Variants in MOSMO observed in about 807,000 individuals in gnomAD.
MOSMO encodes modulator of smoothened.
In MOSMO, 5 loss-of-function variants were observed where a neutral mutation model predicts 18.4. The ratio of observed to expected loss-of-function variants is 0.27; its 90% CI spans 0.14 to 0.57. MOSMO has a LOEUF of 0.57. Among genes scored for constraint, MOSMO ranks in the 20% least tolerant of loss-of-function variants. MOSMO has a pLI of 0.92. For synonymous variants in MOSMO, 82 were observed against 82.3 expected, an observed-to-expected ratio of 1.00 and a Z score of 0.02; for missense variants, 138 against 211.8, an observed-to-expected ratio of 0.65 and a Z score of 2.16.
intron 1 of MOSMO, among the ~76,000 whole-genome samples, chr16:22,030,133 A>G (rs1598003099): frequency 6.6e-6 from 1 of 152,190 alleles, no homozygotes; most frequent in South Asian, 2.1e-4. Flanking sequence ...AAAGGACATC[A>G]TTGTGTTATT....
At chr16:22,075,003 A>G (rs1338928594) in intron 1 of MOSMO, among the ~76,000 whole-genome samples, 1 of 152,172 alleles carries the variant, frequency 6.6e-6, no homozygotes, top group Non-Finnish European at 1.5e-5. Flanking sequence ...TTTTATTTCT[A>G]TATTACAATT....
chr16:22,036,698 C>G (rs1900116456), intron 1 of MOSMO, among the ~76,000 whole-genome samples: 1 of 152,172 alleles, frequency 6.6e-6, no homozygotes, highest in South Asian at 2.1e-4. Flanking sequence ...TCCCCCACCC[C>G]CACTTGGCCT....
At chr16:22,018,951 T>C (rs1899697446) in intron 1 of MOSMO, among the ~76,000 whole-genome samples, 1 of 152,202 alleles carries the variant, frequency 6.6e-6, no homozygotes, top group Admixed American at 6.5e-5. Context: ...AAAGAACAAA[T>C]AGAATAATAA....
At position 22,083,228 on chromosome 16, in the gene MOSMO, T is replaced by C. The variant is rs993738903; in HGVS notation, c.*2348T>C. Reference sequence around the variant, plus strand: ...AGCTGCTAAGAATTTCCCCACTGTTTACTTCTTTCACTTATGGTGGTATTG... The same window carrying C: ...AGCTGCTAAGAATTTCCCCACTGTTCACTTCTTTCACTTATGGTGGTATTG... On this transcript the variant is annotated 3_prime_UTR_variant, in exon 3 of 3. Coordinates refer to ENST00000542527, the MANE Select transcript of MOSMO (RefSeq NM_001164579.2). The C allele has an allele frequency of 1.3e-5, 2 of 152,328 alleles. No homozygotes were observed. Among genetic ancestry groups the C allele is most frequent in the African/African-American group, 4.8e-5 (2 of 41,464 alleles). 9.4% of individuals were successfully genotyped at this position (152,328 alleles called of 1,614,324 possible). A position where few individuals can be genotyped will look rare whatever the true frequency, so the allele number is the denominator to read the frequency against.
rs1421216803 is a variant in MOSMO at position 22,084,084 on chromosome 16, T to C, written c.*3204T>C. ...TTCTGTGAATTCACTGTTTAATCTATTAAGTGAAATAATAAATAGTCCTGG... is the reference window on the plus strand; with the variant it reads ...TTCTGTGAATTCACTGTTTAATCTACTAAGTGAAATAATAAATAGTCCTGG... On this transcript the variant is annotated 3_prime_UTR_variant, in exon 3 of 3. Coordinates refer to ENST00000542527, the MANE Select transcript of MOSMO (RefSeq NM_001164579.2). The C allele has an allele frequency of 5.6e-6, 1 of 179,792 alleles. No individual in the cohort carries two copies. The highest frequency in any genetic ancestry group is 1.7e-4 in the East Asian group (1 of 5,898). The allele number at this position is 179,792 out of a possible 1,614,324, so 11.1% of individuals were successfully genotyped here.
intron 1 of MOSMO, among the ~76,000 whole-genome samples, chr16:22,071,418 T>G (rs1182549537): frequency 6.6e-6 from 1 of 152,250 alleles, no homozygotes; most frequent in African/African-American, 2.4e-5. Flanking sequence ...TGCGCCTTTC[T>G]GCCTTACAGC....
chr16:22,046,802 G>A (rs947888497), intron 1 of MOSMO, among the ~76,000 whole-genome samples: 4 of 152,106 alleles, frequency 2.6e-5, no homozygotes, highest in Non-Finnish European at 5.9e-5. Flanking sequence ...GCTGTCATGT[G>A]ACTCAAATTT....
At chr16:22,028,283 A>G (rs1240262854) in intron 1 of MOSMO, among the ~76,000 whole-genome samples, 1 of 152,032 alleles carries the variant, frequency 6.6e-6, no homozygotes, top group Non-Finnish European at 1.5e-5. Flanking sequence ...TGTAGAAGTT[A>G]TAATATTTGT....
chr16:22,021,976 A>G (rs570173469), intron 1 of MOSMO, among the ~76,000 whole-genome samples: 3 of 152,268 alleles, frequency 2.0e-5, no homozygotes, highest in African/African-American at 4.8e-5. Context: ...TAAAGTTAAT[A>G]TATCTGAAAC....
intron 1 of MOSMO, among the ~76,000 whole-genome samples, chr16:22,054,963 GTT>G (rs777477970): frequency 6.9e-6 from 1 of 145,102 alleles, no homozygotes; most frequent in African/African-American, 2.5e-5. Context: ...AAAGATAGGG[GTT>G]TTTTTTTTTT....
At chr16:22,036,158 G>T (rs7197028) in intron 1 of MOSMO, among the ~76,000 whole-genome samples, 2 of 151,732 alleles carry the variant, frequency 1.3e-5, no homozygotes, top group Non-Finnish European at 2.9e-5. Flanking sequence ...ACAGAGTCTC[G>T]CTCTCTCTCC....
downstream of MOSMO, chr16:22,085,823 A>T (rs1467829191): frequency 6.6e-6 from 1 of 152,188 alleles, no homozygotes; most frequent in African/African-American, 2.4e-5. Flanking sequence ...TTCTTTTCCC[A>T]GGAGAAGAAA....
chr16:22,090,643 G>A (rs1044527703), downstream of MOSMO, among the ~76,000 whole-genome samples: 28 of 152,186 alleles, frequency 1.8e-4, no homozygotes, highest in Admixed American at 1.6e-3. Context: ...CCATATTCCT[G>A]GATGGGACCA....
At chr16:22,019,610 G>A (rs1271802898) in intron 1 of MOSMO, among the ~76,000 whole-genome samples, 2 of 152,124 alleles carry the variant, frequency 1.3e-5, no homozygotes, top group African/African-American at 4.8e-5. Context: ...ATCTTAGGCA[G>A]CATTCAGTCT....
At chr16:22,042,576 A>G (rs940705499) in intron 1 of MOSMO, among the ~76,000 whole-genome samples, 5 of 152,224 alleles carry the variant, frequency 3.3e-5, no homozygotes, top group African/African-American at 9.6e-5. Flanking sequence ...TGATCACAAG[A>G]CATGTAATGC....
At chr16:22,040,687 A>G (rs763234942) in intron 1 of MOSMO, among the ~76,000 whole-genome samples, 1 of 152,244 alleles carries the variant, frequency 6.6e-6, no homozygotes, top group African/African-American at 2.4e-5. Flanking sequence ...TAAAGAAGCA[A>G]TAGAACATCT....
At chr16:22,008,715 G>A (rs549515190) in intron 1 of MOSMO, among the ~76,000 whole-genome samples, 14 of 151,350 alleles carry the variant, frequency 9.3e-5, no homozygotes, top group Admixed American at 1.3e-4. Flanking sequence ...CGATGTGAGG[G>A]ATCGCAGAGG....
intron 1 of MOSMO, 157 bp from the exon 2 acceptor site, chr16:22,075,330 A>T (rs753095882): frequency 2.8e-6 from 2 of 707,922 alleles, no homozygotes; most frequent in African/African-American, 3.5e-5. Flanking sequence ...TTACTACGTT[A>T]TGAACTACAG....
intron 1 of MOSMO, 199 bp from the exon 2 acceptor site, chr16:22,075,288 T>C (rs1900940590): frequency 5.9e-6 from 4 of 678,782 alleles, no homozygotes; most frequent in Non-Finnish European, 1.1e-5. Context: ...TTTGTTATTT[T>C]TTTAGGTTCA....
Sources: gnomAD v4.1 joint callset for allele counts (sites outside exome capture counted in the v4.1 genomes callset) on GRCh38, gnomAD v4.1.1 for gene constraint, MANE v1.5 for transcripts, NCBI Gene and HGNC (gene_info 2026-07-23, HGNC 2026-07-21) for gene names.